Variants in BRAF observed in about 807,000 individuals in gnomAD.
BRAF encodes the protein B-Raf proto-oncogene, serine/threonine kinase.
Under a neutral mutation model 104.6 loss-of-function variants are expected in BRAF, and 16 were observed. The ratio of observed to expected loss-of-function variants is 0.15; its 90% confidence interval spans 0.10 to 0.23. The LOEUF is 0.23. Ranked by LOEUF, BRAF falls within the 10% of genes least tolerant of loss-of-function variation. The pLI is 1.00. For missense variants in BRAF, 541 were observed against 937.3 expected (o/e 0.58, Z 5.52); for synonymous variants, 310 against 341.6 (o/e 0.91, Z 1.02).
intron 19 of BRAF, among the ~76,000 whole-genome samples, chr7:140,728,967 TATA>T (rs534075391): frequency 9.0e-4 from 135 of 150,626 alleles, no homozygotes; most frequent in African/African-American, 2.7e-3. Flanking sequence ...GGTTCACGCC[TATA>T]ATCCCAGCAC....
Position 140,725,818 on chromosome 7 carries a change from A to G in BRAF, c.*676T>C. 9.4e-7 allele frequency: 1 copy of G among 1,063,362 alleles called. No homozygotes were observed. Among genetic ancestry groups the G allele is most frequent in the African/African-American group, 1.6e-5 (1 of 61,062 alleles). The allele number at this position is 1,063,362 out of a possible 1,614,324, so 65.9% of individuals were successfully genotyped here. Reference sequence around the variant, plus strand: ...AGACCCCTCAGTGAGCAAGGAAACAAAAGGCCAGAGACCCCGGAGGTCAGG... The same window carrying G: ...AGACCCCTCAGTGAGCAAGGAAACAGAAGGCCAGAGACCCCGGAGGTCAGG... On this transcript the variant is annotated 3_prime_UTR_variant, in exon 20 of 20. Transcript: ENST00000644969.
chr7:140,728,255 G>T lies in BRAF; in HGVS notation c.2402-1739C>A, dbSNP rs149023916. On this transcript the variant is annotated intron_variant, in intron 19 of 19. Transcript: ENST00000644969. The stretch of plus-strand genomic sequence containing the variant: ...AGATGAGGAAGCCAGGGTTTAGAGT[G>T]GTCAAGTAACTTGCCTGAGATCATA... Among the ~76,000 whole-genome samples, 555 of 152,176 alleles carry T rather than the reference G, an allele frequency of 3.6e-3. 6 individuals carry two copies. The highest frequency in any genetic ancestry group is 0.013 in the African/African-American group (526 of 41,518).
intron 1 of BRAF, among the ~76,000 whole-genome samples, chr7:140,860,193 C>T (rs1201500651): frequency 6.6e-6 from 1 of 152,000 alleles, no homozygotes; most frequent in African/African-American, 2.4e-5. Flanking sequence ...TTCACATTGG[C>T]ATTATAATTT....
chr7:140,779,692 G>T (rs576113596), intron 12 of BRAF: 2 of 152,196 alleles, frequency 1.3e-5, no homozygotes, highest in East Asian at 3.9e-4. Context: ...CAGCACTTTG[G>T]AAGGCCAAGG....
chr7:140,894,149 G>A (rs944269216), intron 1 of BRAF, among the ~76,000 whole-genome samples: 40 of 152,028 alleles, frequency 2.6e-4, no homozygotes, highest in Non-Finnish European at 1.9e-4. Context: ...AAAGAAATAG[G>A]AAATGAAAAG....
chr7:140,762,188 T>C (rs1798805705), intron 14 of BRAF, among the ~76,000 whole-genome samples: 1 of 152,196 alleles, frequency 6.6e-6, no homozygotes, highest in African/African-American at 2.4e-5. Context: ...TAACAAACTG[T>C]GTCTCAGACC....
At chr7:140,900,913 C>CT (rs1815556434) in intron 1 of BRAF, among the ~76,000 whole-genome samples, 1 of 152,136 alleles carries the variant, frequency 6.6e-6, no homozygotes, top group Non-Finnish European at 1.5e-5. Flanking sequence ...ACCTGGGTCC[C>CT]TTTTCCTTTT....
intron 14 of BRAF, among the ~76,000 whole-genome samples, chr7:140,763,674 T>C (rs200129419): frequency 4.6e-5 from 7 of 152,268 alleles, no homozygotes; most frequent in Non-Finnish European, 1.0e-4. Context: ...AACACCTCTA[T>C]GCAAATAAAC....
intron 3 of BRAF, among the ~76,000 whole-genome samples, chr7:140,832,046 T>C (rs150324853): frequency 3.9e-5 from 6 of 152,346 alleles, no homozygotes; most frequent in African/African-American, 1.4e-4. Context: ...ATATTTTCCA[T>C]CTTCCAGGAA....
At chr7:140,868,763 A>G (rs1811245689) in intron 1 of BRAF, among the ~76,000 whole-genome samples, 1 of 152,238 alleles carries the variant, frequency 6.6e-6, no homozygotes, top group Non-Finnish European at 1.5e-5. Flanking sequence ...AAAGGAAACA[A>G]TATGATCAAT....
chr7:140,805,008 T>C (rs780279274), intron 5 of BRAF, among the ~76,000 whole-genome samples: 14 of 152,054 alleles, frequency 9.2e-5, no homozygotes, highest in Non-Finnish European at 1.8e-4. Flanking sequence ...TTTGTCATGT[T>C]ACCCAGGCTG....
rs746269606 is a variant in BRAF, at chr7:140,753,308, C to A, written c.1947G>T (p.Gln649His). Residue 649 changes from glutamine (Q) to histidine (H), a missense_variant, in exon 16 of 20, where the codon CAG (glutamine) becomes CAT (histidine). Physicochemically the swap from Gln to His is conservative, Grantham distance 24. Transcript: ENST00000644969. Reference sequence around the variant, plus strand: ...AAATGGATCCAGACAACTGTTCAAACTGATGGGACCCACTCCATCGAGATT... The same window carrying A: ...AAATGGATCCAGACAACTGTTCAAAATGATGGGACCCACTCCATCGAGATT... The part of the protein sequence containing the change: ...TVKSRWSGSH[Q>H]FEQLSGSILW... The A allele has an allele frequency of 1.2e-6, 2 of 1,612,316 alleles. No individual in the cohort carries two copies. Among genetic ancestry groups the A allele is most frequent in the Non-Finnish European group, 1.7e-6 (2 of 1,178,688 alleles).
At position 140,798,512 on chromosome 7, in the gene BRAF, G is replaced by A. The variant is rs1008521861; in HGVS notation, c.980+1850C>T. On this transcript the variant is annotated intron_variant, in intron 7 of 19. Transcript: ENST00000644969. The stretch of plus-strand genomic sequence containing the variant: ...CCCGACCTCGTGATCCGCCTGCCTC[G>A]GCCTCCCAAAGTGCTGGGATTACAG... Among the ~76,000 whole-genome samples the A allele has an allele frequency of 7.3e-5, 11 of 149,746 alleles. No individual in the cohort carries two copies. In the East Asian group the frequency reaches 8.0e-4, roughly 11 times the overall value.
chr7:140,763,459 G>C (rs938299107), intron 14 of BRAF, among the ~76,000 whole-genome samples: 1 of 152,176 alleles, frequency 6.6e-6, no homozygotes, highest in Admixed American at 6.5e-5. Flanking sequence ...GGCTGGGCGG[G>C]GGGCTGACCC....
intron 1 of BRAF, among the ~76,000 whole-genome samples, chr7:140,893,452 T>C (rs1443144767): frequency 6.6e-6 from 1 of 152,096 alleles, no homozygotes; most frequent in Admixed American, 6.5e-5. Flanking sequence ...GGTTTCACCA[T>C]GTTAGCCAGG....
At chr7:140,875,069 C>G (rs1194513450) in intron 1 of BRAF, among the ~76,000 whole-genome samples, 4 of 152,154 alleles carry the variant, frequency 2.6e-5, no homozygotes, top group African/African-American at 9.7e-5. Flanking sequence ...AACCATGAGC[C>G]AACTGAATCT....
intron 1 of BRAF, among the ~76,000 whole-genome samples, chr7:140,862,186 GAATA>G (rs1243816391): frequency 1.3e-5 from 2 of 152,108 alleles, no homozygotes; most frequent in Admixed American, 6.5e-5. Flanking sequence ...TGAACAAACA[GAATA>G]AATGGGCAAG....
In BRAF at chr7:140,808,351, CAAAAAAAAAAA is replaced by C. The variant is rs35843886; in HGVS notation, c.609-300_609-290del. 1.2e-3 allele frequency: 241 copies of C among 199,010 alleles called. 2 individuals are homozygous for C. Among genetic ancestry groups the C allele is most frequent in the South Asian group, 5.1e-3 (158 of 30,978 alleles). The allele number at this position is 199,010 out of a possible 1,614,324, so 12.3% of individuals were successfully genotyped here. A position where few individuals can be genotyped will look rare whatever the true frequency, so the allele number is the denominator to read the frequency against. On this transcript the variant is annotated intron_variant, in intron 4 of 19. Coordinates refer to ENST00000644969, the MANE Select transcript of BRAF (RefSeq NM_001374258.1). ...CAGAAAATGGATTGTTCCTGGGGTCCAAAAAAAAAAAAAAAAAAAAAAAAAATCACAGGTAC... is the reference window on the plus strand; with the variant it reads ...CAGAAAATGGATTGTTCCTGGGGTCCAAAAAAAAAAAAAAATCACAGGTAC...
At chr7:140,878,103 T>C (rs1323662476) in intron 1 of BRAF, among the ~76,000 whole-genome samples, 1 of 151,880 alleles carries the variant, frequency 6.6e-6, no homozygotes, top group East Asian at 1.9e-4. Flanking sequence ...TGAATATAGA[T>C]ACAAGGTCAA....
Sources: gnomAD v4.1 joint callset for allele counts (sites outside exome capture counted in the v4.1 genomes callset) on GRCh38, gnomAD v4.1.1 for gene constraint, MANE v1.5 for transcripts, NCBI Gene and HGNC (gene_info 2026-07-23, HGNC 2026-07-21) for gene names.